Variants in PLCE1 observed in about 807,000 individuals in gnomAD.
The protein encoded by PLCE1 is 1-phosphatidylinositol 4,5-bisphosphate phosphodiesterase epsilon-1.
PLCE1 carries 119 observed loss-of-function variants against 242.8 expected under a neutral mutation model. That is an observed-to-expected ratio of 0.49 (90% CI 0.42 to 0.57). The LOEUF (loss-of-function observed/expected upper bound fraction) is 0.57, where lower values mean the gene tolerates loss of function less well. PLCE1 is among the 20% of genes least tolerant of loss of function. PLCE1 has a pLI of 0.00. For synonymous variants in PLCE1, 945 were observed against 1,017.4 expected (o/e 0.93, Z 1.35); for missense variants, 2,441 against 2,788.8 (o/e 0.88, Z 2.81).
At chr10:94,291,302 A>G (rs2052637847) in intron 22 of PLCE1, among the ~76,000 whole-genome samples, 1 of 152,164 alleles carries the variant, frequency 6.6e-6, no homozygotes. Flanking sequence ...GAGTTGGTGT[A>G]TTCCTAAATA....
intron 5 of PLCE1, among the ~76,000 whole-genome samples, chr10:94,229,189 A>G (rs2050055843): frequency 9.5e-6 from 1 of 105,800 alleles, no homozygotes; most frequent in African/African-American, 3.7e-5. Context: ...ATCAAAAAAC[A>G]AAACAAACAA....
At chr10:94,110,038 CT>C (rs1261438216) in intron 2 of PLCE1, among the ~76,000 whole-genome samples, 2 of 137,840 alleles carry the variant, frequency 1.5e-5, no homozygotes, top group African/African-American at 5.3e-5. Context: ...AGGATAGACC[CT>C]TTCCTTTTTT....
chr10:94,234,939 A>C (rs2050264812), intron 6 of PLCE1, among the ~76,000 whole-genome samples: 1 of 152,176 alleles, frequency 6.6e-6, no homozygotes, highest in Admixed American at 6.5e-5. Context: ...CAAGGTGTTT[A>C]AAAATGAAAG....
At position 94,031,204 on chromosome 10, in the gene PLCE1, C is replaced by T; in HGVS notation, c.158C>T (p.Thr53Ile). 6.2e-7 allele frequency: 1 copy of T among 1,613,686 alleles called. No homozygotes were observed. Among genetic ancestry groups the T allele is most frequent in the South Asian group, 1.1e-5 (1 of 91,082 alleles). ...AGACGAAGTGGGGAGACTTCTCATA[C>T]CATCTCACAACTGAACAAACTTAAA... ...TVRRSGETSH[T>I]ISQLNKLKEE... Residue 53 changes from threonine to isoleucine, a missense_variant, in exon 2 of 33, where the codon ACC becomes ATC. Thr to Ile is a moderately conservative substitution (Grantham distance 89). Around this residue, in one of 5 missense-constraint regions of PLCE1, gnomAD observed 393 missense variants for 378.5 expected, o/e 1.04. Transcript: ENST00000371380.
chr10:94,087,349 CAA>C (rs57482986), intron 2 of PLCE1, among the ~76,000 whole-genome samples: 160 of 67,494 alleles, frequency 2.4e-3, no homozygotes, highest in South Asian at 7.9e-3. Flanking sequence ...GACCCTGTCT[CAA>C]AAAAAAAAAA....
intron 16 of PLCE1, among the ~76,000 whole-genome samples, chr10:94,267,038 A>C (rs994708477): frequency 5.9e-5 from 9 of 152,178 alleles, no homozygotes; most frequent in Non-Finnish European, 8.8e-5. Context: ...CACACTACAT[A>C]CTGGCCCTCC....
intron 7 of PLCE1, among the ~76,000 whole-genome samples, chr10:94,239,068 T>G (rs184550765): frequency 5.9e-5 from 9 of 152,212 alleles, no homozygotes; most frequent in Admixed American, 5.9e-4. Context: ...CTTGATAGGG[T>G]TTTTGTGAGG....
intron 2 of PLCE1, among the ~76,000 whole-genome samples, chr10:94,064,035 G>C (rs77498976): frequency 0.025 from 3,759 of 152,156 alleles, 106 homozygotes; most frequent in African/African-American, 0.067. Context: ...AGGTGGACTG[G>C]GGTCAGGTCT....
intron 1 of PLCE1, among the ~76,000 whole-genome samples, chr10:94,000,527 T>C (rs894259374): frequency 1.3e-5 from 2 of 152,244 alleles, no homozygotes; most frequent in South Asian, 2.1e-4. Context: ...TCTTTGATAA[T>C]TTTATAGTTG....
At chr10:94,214,731 C>T (rs71480896) in intron 4 of PLCE1, among the ~76,000 whole-genome samples, 38,316 of 152,004 alleles carry the variant, frequency 0.25, 5,131 homozygotes, top group East Asian at 0.4. Flanking sequence ...TGCATTTCAC[C>T]GCAAGTGAAA....
chr10:94,125,395 C>T (rs1590075819), intron 2 of PLCE1, among the ~76,000 whole-genome samples: 1 of 151,694 alleles, frequency 6.6e-6, no homozygotes, highest in East Asian at 1.9e-4. Flanking sequence ...ACATTAGCGC[C>T]TTATTTTTTT....
intron 19 of PLCE1, chr10:94,279,483 A>G (rs991359162): frequency 1.9e-5 from 8 of 425,324 alleles, no homozygotes; most frequent in African/African-American, 1.2e-4. Context: ...GGTTCTCCAA[A>G]TCACCAAAGC....
chr10:94,134,855 C>T (rs1424099291), intron 3 of PLCE1, among the ~76,000 whole-genome samples: 3 of 152,256 alleles, frequency 2.0e-5, no homozygotes, highest in South Asian at 2.1e-4. Context: ...TTTAAATTGG[C>T]GTTTTATGCA....
At chr10:94,057,497 C>A (rs1040244617) in intron 2 of PLCE1, among the ~76,000 whole-genome samples, 1 of 152,062 alleles carries the variant, frequency 6.6e-6, no homozygotes, top group Non-Finnish European at 1.5e-5. Context: ...ATGTCTATTT[C>A]TTTAGTGTAA....
At chr10:94,129,413 A>G (rs1455354640) in intron 2 of PLCE1, among the ~76,000 whole-genome samples, 2 of 152,388 alleles carry the variant, frequency 1.3e-5, no homozygotes, top group South Asian at 2.1e-4. Flanking sequence ...TCTATTATGC[A>G]ATGTAAATCT....
intron 22 of PLCE1, among the ~76,000 whole-genome samples, chr10:94,289,922 T>C (rs1449531228): frequency 6.6e-6 from 1 of 151,874 alleles, no homozygotes; most frequent in African/African-American, 2.4e-5. Context: ...ACTTTATATT[T>C]TATAAATTTT....
At chr10:94,033,361 TG>T (rs2061600405) in intron 2 of PLCE1, among the ~76,000 whole-genome samples, 1 of 152,040 alleles carries the variant, frequency 6.6e-6, no homozygotes, top group Admixed American at 6.6e-5. Context: ...TTCCATGTCC[TG>T]GAAAACCCTT....
rs560236100 is a variant in PLCE1 at position 94,091,044 on chromosome 10, A to T, written c.1207-41130A>T. Among the ~76,000 whole-genome samples, 7 of 152,138 alleles carry T rather than the reference A, an allele frequency of 4.6e-5. No individual in the cohort carries two copies. In the East Asian group the frequency reaches 5.8e-4, roughly 13 times the overall value. ...CTCAAATGTTTTCAGAAGACCAAAA[A>T]ATATATATATAATTTTTTGTCAGTG... On this transcript the variant is annotated intron_variant, in intron 2 of 32. Transcript: ENST00000371380.
chr10:94,015,404 T>C (rs1336838219), intron 1 of PLCE1, among the ~76,000 whole-genome samples: 1 of 152,170 alleles, frequency 6.6e-6, no homozygotes. Context: ...TTTTCAGAGT[T>C]AGATTCAGAT....
Sources: gnomAD v4.1 joint callset for allele counts (sites outside exome capture counted in the v4.1 genomes callset) on GRCh38, gnomAD v4.1.1 for gene constraint, gnomAD v4.1.1 regional missense constraint, MANE v1.5 for transcripts, NCBI Gene and HGNC (gene_info 2026-07-23, HGNC 2026-07-21) for gene names.